ALDH1L2: variants seen among roughly 807,000 people sequenced by gnomAD.
ALDH1L2 encodes aldehyde dehydrogenase 1 family member L2.
Under a neutral mutation model 111.0 loss-of-function variants are expected in ALDH1L2, and 91 were observed. The observed-to-expected ratio is 0.82, with a 90% CI of 0.69 to 0.98. The LOEUF (loss-of-function observed/expected upper bound fraction) is 0.98, where lower values mean the gene tolerates loss of function less well. ALDH1L2 is among the 50% of genes least tolerant of loss of function. ALDH1L2 has a pLI of 0.00. For missense variants in ALDH1L2, 995 were observed against 1,126.8 expected, an observed-to-expected ratio of 0.88 and a Z score of 1.67; for synonymous variants, 374 against 392.6, an observed-to-expected ratio of 0.95 and a Z score of 0.56.
At position 105,054,590 on chromosome 12, in the gene ALDH1L2, T is replaced by C. The variant is rs181998615; in HGVS notation, c.1288-1659A>G. Among the ~76,000 whole-genome samples, 131 of 152,274 alleles carry C rather than the reference T, an allele frequency of 8.6e-4. No individual in the cohort carries two copies. The East Asian group carries it at 0.019, about 23-fold the overall frequency. ...CTAGTAGCCTCTGGTGGGGATGAAATGGGTCTGGAGCTCTTCACAAGCCTC... is the reference window on the plus strand; with the variant it reads ...CTAGTAGCCTCTGGTGGGGATGAAACGGGTCTGGAGCTCTTCACAAGCCTC... On this transcript the variant is annotated intron_variant, in intron 10 of 22. Coordinates refer to ENST00000258494, the MANE Select transcript of ALDH1L2 (RefSeq NM_001034173.4).
intron 10 of ALDH1L2, among the ~76,000 whole-genome samples, chr12:105,055,388 A>G (rs190807100): frequency 6.6e-4 from 100 of 152,360 alleles, no homozygotes; most frequent in African/African-American, 2.4e-3. Flanking sequence ...CAAGGAAGTC[A>G]TTGAACAACA....
In ALDH1L2 at chr12:105,061,040, G is replaced by C; in HGVS notation, c.1080C>G (p.Pro360=). Residue 360 remains proline, a synonymous_variant, in exon 9 of 23, where the codon CCC becomes CCG. Transcript: ENST00000258494. ...AGAAGTCTGTTGAGTCTTCAATAATGGGGACATTGCTTAAAATTCCAGCCC... is the reference window on the plus strand; with the variant it reads ...AGAAGTCTGTTGAGTCTTCAATAATCGGGACATTGCTTAAAATTCCAGCCC... ...VIWAGILSNV[P]IIEDSTDFFK... 6.2e-7 allele frequency: 1 copy of C among 1,613,910 alleles called. No homozygotes were observed. The highest frequency in any genetic ancestry group is 1.6e-4 in the Middle Eastern group (1 of 6,062).
chr12:105,081,241 T>A (rs1878323110), intron 1 of ALDH1L2, among the ~76,000 whole-genome samples: 2 of 152,232 alleles, frequency 1.3e-5, no homozygotes, highest in South Asian at 4.1e-4. Context: ...CATTTATTAA[T>A]GCATCTATTA....
chr12:105,061,116 C>T, intron 8 of ALDH1L2, 44 bp from the exon 9 acceptor site: 1 of 1,538,014 alleles, frequency 6.5e-7, no homozygotes, highest in Non-Finnish European at 9.0e-7. Flanking sequence ...CCACGTAGAA[C>T]AATGTGGCAG....
chr12:105,036,501 GTA>G (rs368467870), intron 18 of ALDH1L2, among the ~76,000 whole-genome samples: 9,440 of 31,878 alleles, frequency 0.3, 2,393 homozygotes, highest in East Asian at 0.74. Context: ...ATTTATATAT[GTA>G]TATATATATT....
Position 105,058,067 on chromosome 12 carries a change from G to T in ALDH1L2, c.1287+6C>A, listed in dbSNP as rs531378902. Reference sequence around the variant, plus strand: ...TTTAGGGTTGCAACATCAAGGAAAAGCTTACATAATCTACAACCAGCTCCA... The same window carrying T: ...TTTAGGGTTGCAACATCAAGGAAAATCTTACATAATCTACAACCAGCTCCA... On this transcript the variant is annotated splice_donor_region_variant and intron_variant, in intron 10 of 22. Transcript: ENST00000258494. 4.3e-6 allele frequency: 7 copies of T among 1,610,818 alleles called. No individual in the cohort carries two copies. Among genetic ancestry groups the T allele is most frequent in the South Asian group, 2.2e-5 (2 of 90,198 alleles).
chr12:105,063,085 T>C, intron 6 of ALDH1L2, 63 bp from the exon 7 acceptor site: 4 of 1,520,820 alleles, frequency 2.6e-6, no homozygotes, highest in East Asian at 2.4e-5. Context: ...GCGGTATGTA[T>C]AAGCATCATT....
At chr12:105,076,006 A>C (rs557982904) in intron 1 of ALDH1L2, among the ~76,000 whole-genome samples, 1 of 152,232 alleles carries the variant, frequency 6.6e-6, no homozygotes, top group East Asian at 1.9e-4. Context: ...GGCTGGTCTC[A>C]AACTCCTGAC....
intron 22 of ALDH1L2, among the ~76,000 whole-genome samples, chr12:105,025,360 G>T (rs1474443598): frequency 2.0e-5 from 3 of 152,176 alleles, no homozygotes; most frequent in Non-Finnish European, 4.4e-5. Flanking sequence ...TTTTAAAATT[G>T]GGGGAGGAAG....
chr12:105,058,719 T>C (rs762804383), intron 9 of ALDH1L2, among the ~76,000 whole-genome samples: 14 of 152,208 alleles, frequency 9.2e-5, no homozygotes, highest in Non-Finnish European at 1.9e-4. Flanking sequence ...ACTTTTGAAG[T>C]CCTTTCCAAT....
At chr12:105,072,239 A>G in intron 2 of ALDH1L2, 1 of 148,202 alleles carries the variant, frequency 6.7e-6, no homozygotes, top group East Asian at 1.9e-4. Context: ...CTTGTATAAT[A>G]TAATAGTATA....
intron 18 of ALDH1L2, among the ~76,000 whole-genome samples, chr12:105,037,322 A>G (rs540466168): frequency 6.6e-6 from 1 of 152,300 alleles, no homozygotes; most frequent in Non-Finnish European, 1.5e-5. Context: ...CCCTTTACCT[A>G]ACTTCCCCCA....
At chr12:105,036,404 A>T (rs1241491332) in intron 18 of ALDH1L2, among the ~76,000 whole-genome samples, 1 of 55,004 alleles carries the variant, frequency 1.8e-5, no homozygotes, top group Non-Finnish European at 2.9e-5. Flanking sequence ...TATATATATT[A>T]TATATATACG....
intron 15 of ALDH1L2, among the ~76,000 whole-genome samples, chr12:105,042,072 G>A (rs1875566891): frequency 7.5e-6 from 1 of 133,400 alleles, no homozygotes; most frequent in Non-Finnish European, 1.7e-5. Context: ...AGAGATGTAT[G>A]TATACACAAC....
chr12:105,061,791 T>C, intron 7 of ALDH1L2, 39 bp from the exon 8 acceptor site: 1 of 1,612,746 alleles, frequency 6.2e-7, no homozygotes, highest in Non-Finnish European at 8.5e-7. Context: ...AAATTGAGGA[T>C]TGAGACAATA....
chr12:105,051,376 C>T (rs1303288550), intron 12 of ALDH1L2, among the ~76,000 whole-genome samples: 1 of 152,176 alleles, frequency 6.6e-6, no homozygotes, highest in Non-Finnish European at 1.5e-5. Flanking sequence ...CGCTGATAGG[C>T]TGTGGTTCAG....
chr12:105,066,795 ATAACT>A (rs1460331735), intron 4 of ALDH1L2, 126 bp from the exon 5 acceptor site: 14 of 718,220 alleles, frequency 1.9e-5, no homozygotes, highest in Non-Finnish European at 3.1e-5. Flanking sequence ...GAGTATGATG[ATAACT>A]ACCATTTCTT....
intron 15 of ALDH1L2, 104 bp downstream of exon 15, chr12:105,046,606 A>G: frequency 9.9e-7 from 1 of 1,011,746 alleles, no homozygotes; most frequent in Non-Finnish European, 1.4e-6. Flanking sequence ...GAAAAATGCC[A>G]TACCATCTCA....
At position 105,022,096 on chromosome 12, in the gene ALDH1L2, G is replaced by A. The variant is rs1874191197; in HGVS notation, c.*2328C>T. 6.6e-6 allele frequency: 1 copy of A among 152,212 alleles called. No individual in the cohort carries two copies. The highest frequency in any genetic ancestry group is 2.4e-5 in the African/African-American group (1 of 41,460). 9.4% of individuals were successfully genotyped at this position (152,212 alleles called of 1,614,324 possible). On this transcript the variant is annotated 3_prime_UTR_variant, in exon 23 of 23. Transcript: ENST00000258494. ...AACAGCGATGATTTTATTACTCTATGTGTTAAGTAAATCACCTAGCAGGCT... is the reference window on the plus strand; with the variant it reads ...AACAGCGATGATTTTATTACTCTATATGTTAAGTAAATCACCTAGCAGGCT...
Sources: allele counts gnomAD v4.1 joint callset (sites outside exome capture counted in the v4.1 genomes callset), GRCh38; gene constraint gnomAD v4.1.1; transcripts MANE v1.5; gene names NCBI Gene and HGNC (gene_info 2026-07-23, HGNC 2026-07-21).